LRRC4C: variants seen among roughly 807,000 people sequenced by gnomAD.
The protein encoded by LRRC4C is leucine rich repeat containing 4C, also known as leucine-rich repeat-containing protein 4C.
In LRRC4C, 5 loss-of-function variants were observed where a neutral mutation model predicts 33.6. The ratio of observed to expected loss-of-function variants is 0.15; its 90% confidence interval spans 0.08 to 0.31. The LOEUF is 0.31. LRRC4C is among the 10% of genes least tolerant of loss of function. The pLI, the probability that LRRC4C is intolerant of heterozygous loss-of-function variation, is 1.00. For synonymous variants in LRRC4C, 329 were observed against 302.0 expected (o/e 1.09, Z -0.93); for missense variants, 560 against 796.7 (o/e 0.70, Z 3.58).
intron 2 of LRRC4C, among the ~76,000 whole-genome samples, chr11:40,726,617 A>G (rs1293652980): frequency 2.6e-5 from 4 of 152,216 alleles, no homozygotes; most frequent in African/African-American, 9.7e-5. Flanking sequence ...TCAAATAATA[A>G]GAGGCATCTT....
chr11:40,904,031 G>A (rs2136211166), intron 2 of LRRC4C, among the ~76,000 whole-genome samples: 1 of 152,250 alleles, frequency 6.6e-6, no homozygotes, highest in Admixed American at 6.5e-5. Context: ...AGAACTGGAA[G>A]TGGAGCCTGA....
chr11:40,769,102 A>T (rs1316590254), intron 2 of LRRC4C, among the ~76,000 whole-genome samples: 1 of 152,172 alleles, frequency 6.6e-6, no homozygotes, highest in African/African-American at 2.4e-5. Flanking sequence ...CATGAAAAAA[A>T]CTATTATAAC....
chr11:40,621,013 A>G (rs926452021), intron 3 of LRRC4C, among the ~76,000 whole-genome samples: 9 of 151,628 alleles, frequency 5.9e-5, no homozygotes, highest in Admixed American at 2.6e-4. Context: ...TGGAGAGTGC[A>G]TATACCACCA....
At chr11:41,406,400 G>A (rs12577628) in intron 1 of LRRC4C, among the ~76,000 whole-genome samples, 1 of 152,002 alleles carries the variant, frequency 6.6e-6, no homozygotes, top group African/African-American at 2.4e-5. Flanking sequence ...CTTGACTTTA[G>A]GAAATATATA....
At chr11:41,403,148 G>A (rs1954089624) in intron 1 of LRRC4C, among the ~76,000 whole-genome samples, 1 of 152,056 alleles carries the variant, frequency 6.6e-6, no homozygotes. Flanking sequence ...TTGAAGGCTA[G>A]ACTACAAAGG....
intron 2 of LRRC4C, among the ~76,000 whole-genome samples, chr11:40,699,235 C>T (rs1179057256): frequency 6.6e-6 from 1 of 152,124 alleles, no homozygotes; most frequent in East Asian, 1.9e-4. Context: ...TTTCTTTATT[C>T]TCTTGATAGT....
intron 2 of LRRC4C, among the ~76,000 whole-genome samples, chr11:40,749,389 T>G (rs1591621515): frequency 6.9e-6 from 1 of 143,912 alleles, no homozygotes; most frequent in African/African-American, 2.6e-5. Flanking sequence ...ACAAAGAGGT[T>G]AAGATGGAAA....
chr11:40,763,754 G>T lies in LRRC4C; in HGVS notation c.-406-115476C>A, dbSNP rs544893433. Among the ~76,000 whole-genome samples the T allele has an allele frequency of 5.9e-5, 9 of 152,260 alleles. No homozygotes were observed. The East Asian group carries it at 1.5e-3, about 26-fold the overall frequency. ...AGAATTGAGCCAGAGCTCAAGGGGG[G>T]AGCATTTAGACCATCCCTAGCCAGA... On this transcript the variant is annotated intron_variant, in intron 2 of 6. Transcript: ENST00000528697.
intron 3 of LRRC4C, among the ~76,000 whole-genome samples, chr11:40,447,497 A>G (rs1951691413): frequency 6.6e-6 from 1 of 152,150 alleles, no homozygotes; most frequent in African/African-American, 2.4e-5. Context: ...TTTATATGAT[A>G]TGGCTCTCTC....
At chr11:40,197,174 T>C (rs1031208044) in intron 5 of LRRC4C, among the ~76,000 whole-genome samples, 1 of 152,170 alleles carries the variant, frequency 6.6e-6, no homozygotes, top group African/African-American at 2.4e-5. Flanking sequence ...AAATTAACGT[T>C]GTGTATGCTG....
At chr11:40,442,053 C>T (rs1177813397) in intron 3 of LRRC4C, among the ~76,000 whole-genome samples, 2 of 146,348 alleles carry the variant, frequency 1.4e-5, no homozygotes, top group African/African-American at 5.1e-5. Flanking sequence ...GTCTCAGCTA[C>T]TTGGGAGGCT....
chr11:40,321,500 TAGATTAAGAAACAG>T (rs1238135656), intron 3 of LRRC4C, among the ~76,000 whole-genome samples: 1 of 152,238 alleles, frequency 6.6e-6, no homozygotes, highest in East Asian at 1.9e-4. Context: ...TCTCCTTTTA[TAGATTAAGAAACAG>T]AGGTAAGGAT....
At chr11:41,089,751 T>A (rs565548353) in intron 1 of LRRC4C, among the ~76,000 whole-genome samples, 2 of 152,218 alleles carry the variant, frequency 1.3e-5, no homozygotes, top group East Asian at 3.9e-4. Context: ...CTTGTAAATA[T>A]CAATGCCTTA....
intron 2 of LRRC4C, among the ~76,000 whole-genome samples, chr11:40,688,265 T>G (rs1945056124): frequency 6.6e-6 from 1 of 152,110 alleles, no homozygotes; most frequent in Admixed American, 6.6e-5. Context: ...AACTTAACAT[T>G]TGCAAATATA....
intron 1 of LRRC4C, among the ~76,000 whole-genome samples, chr11:41,024,759 CTT>C (rs1265873774): frequency 6.6e-6 from 1 of 151,562 alleles, no homozygotes; most frequent in Non-Finnish European, 1.5e-5. Context: ...TTTTATAACT[CTT>C]TGCTTTATTG....
intron 4 of LRRC4C, among the ~76,000 whole-genome samples, chr11:40,300,778 A>G (rs1487720500): frequency 6.6e-6 from 1 of 152,200 alleles, no homozygotes; most frequent in East Asian, 1.9e-4. Flanking sequence ...TGGCAAATTC[A>G]AGGTTTGCTT....
chr11:40,833,834 A>G (rs1241133613), intron 2 of LRRC4C, among the ~76,000 whole-genome samples: 3 of 152,180 alleles, frequency 2.0e-5, no homozygotes, highest in Non-Finnish European at 4.4e-5. Context: ...TGTGACTAAT[A>G]TTAATTTTAA....
At chr11:41,304,076 C>G (rs1950382864) in intron 1 of LRRC4C, among the ~76,000 whole-genome samples, 2 of 70,092 alleles carry the variant, frequency 2.9e-5, no homozygotes, top group Non-Finnish European at 3.6e-5. Flanking sequence ...AGCCAGCCAC[C>G]CCGTCCGGGA....
intron 1 of LRRC4C, among the ~76,000 whole-genome samples, chr11:41,094,363 A>C (rs891519953): frequency 2.0e-5 from 3 of 151,456 alleles, no homozygotes; most frequent in African/African-American, 7.3e-5. Context: ...GTCTCTACTA[A>C]AAATACAAAA....
Sources: gnomAD v4.1 joint callset for allele counts (sites outside exome capture counted in the v4.1 genomes callset) on GRCh38, gnomAD v4.1.1 for gene constraint, MANE v1.5 for transcripts, NCBI Gene and HGNC (gene_info 2026-07-23, HGNC 2026-07-21) for gene names.